The following LRP1B variants were observed in gnomAD, a reference collection of about 807,000 sequenced individuals.
LRP1B encodes LDL receptor related protein 1B.
LRP1B carries 217 observed loss-of-function variants against 556.6 expected under a neutral mutation model. That is an observed-to-expected ratio of 0.39 (90% CI 0.35 to 0.44). LRP1B has a LOEUF of 0.44. Among genes scored for constraint, LRP1B ranks in the 20% least tolerant of loss-of-function variants. The pLI is 1.00. For missense variants in LRP1B, 5,053 were observed against 5,620.8 expected, an observed-to-expected ratio of 0.90 and a Z score of 3.23; for synonymous variants, 2,047 against 1,865.8, an observed-to-expected ratio of 1.10 and a Z score of -2.50.
chr2:141,018,440 G>A (rs1697970830), intron 12 of LRP1B, among the ~76,000 whole-genome samples: 2 of 152,074 alleles, frequency 1.3e-5, no homozygotes, highest in Admixed American at 6.6e-5. Context: ...CCTTCAAAGA[G>A]CTTGAACTAT....
At chr2:140,688,570 G>T in intron 41 of LRP1B, among the ~76,000 whole-genome samples, 1 of 152,196 alleles carries the variant, frequency 6.6e-6, no homozygotes, top group East Asian at 1.9e-4. Flanking sequence ...GATTGCAGAA[G>T]GTACACATTC....
At chr2:140,648,309 G>T (rs918353418) in intron 41 of LRP1B, among the ~76,000 whole-genome samples, 1 of 151,906 alleles carries the variant, frequency 6.6e-6, no homozygotes, top group East Asian at 1.9e-4. Flanking sequence ...GAGTGGGGAG[G>T]GATAGCATTA....
Position 142,055,203 on chromosome 2 carries a change from G to A in LRP1B, c.82+75445C>T, listed in dbSNP as rs147273319. Among the ~76,000 whole-genome samples the A allele has an allele frequency of 3.4e-3, 512 of 152,026 alleles. 3 individuals carry two copies. Among genetic ancestry groups the A allele is most frequent in the African/African-American group, 0.012 (492 of 41,462 alleles). Reference sequence around the variant, plus strand: ...CAGACATATTCATAAATAGCTATACGTAATATGAAAAAAAGGAATAGAGTG... The same window carrying A: ...CAGACATATTCATAAATAGCTATACATAATATGAAAAAAAGGAATAGAGTG... On this transcript the variant is annotated intron_variant, in intron 1 of 90. Coordinates refer to ENST00000389484, the MANE Select transcript of LRP1B (RefSeq NM_018557.3).
intron 7 of LRP1B, among the ~76,000 whole-genome samples, chr2:141,188,058 T>C (rs1161545651): frequency 1.3e-5 from 2 of 152,026 alleles, no homozygotes; most frequent in Non-Finnish European, 2.9e-5. Flanking sequence ...TCAAGTAGCA[T>C]TCTGGAGGTT....
intron 66 of LRP1B, among the ~76,000 whole-genome samples, chr2:140,440,993 C>T (rs961346728): frequency 2.2e-4 from 34 of 152,036 alleles, no homozygotes; most frequent in African/African-American, 7.0e-4. Context: ...GTTACAGAAC[C>T]TCTTTGTGCC....
chr2:141,597,835 C>T (rs916667315), intron 2 of LRP1B, among the ~76,000 whole-genome samples: 7 of 152,056 alleles, frequency 4.6e-5, no homozygotes, highest in Admixed American at 4.6e-4. Flanking sequence ...CAGACATTAA[C>T]AACAGGAATG....
At position 141,940,285 on chromosome 2, in the gene LRP1B, A is replaced by G. The variant is rs182608094; in HGVS notation, c.83-129884T>C. 2.7e-4 allele frequency among the ~76,000 whole-genome samples: 41 copies of G among 152,290 alleles called. No individual in the cohort carries two copies. The East Asian group carries it at 6.6e-3, about 24-fold the overall frequency. ...CTGTGCAATGCCACTGTACAAAGGTATATATGATTAAGAGTTAATATTTTA... is the reference window on the plus strand; with the variant it reads ...CTGTGCAATGCCACTGTACAAAGGTGTATATGATTAAGAGTTAATATTTTA... On this transcript the variant is annotated intron_variant, in intron 1 of 90. Coordinates refer to ENST00000389484, the MANE Select transcript of LRP1B (RefSeq NM_018557.3).
At chr2:140,750,606 A>G (rs1688542698) in intron 35 of LRP1B, among the ~76,000 whole-genome samples, 1 of 152,206 alleles carries the variant, frequency 6.6e-6, no homozygotes, top group Non-Finnish European at 1.5e-5. Context: ...TTCTTCTAAT[A>G]GAGTTATTTG....
At position 140,923,037 on chromosome 2, in the gene LRP1B, T is replaced by A. The variant is rs1348887402; in HGVS notation, c.3247A>T (p.Ser1083Cys). Residue 1083 changes from serine to cysteine, a missense_variant, in exon 21 of 91, where the codon AGT becomes TGT. By Grantham distance (112) the Ser-to-Cys change is moderately radical. This residue lies in a region of LRP1B where 3,619 missense variants were observed against 3,931.9 expected (regional missense o/e 0.92). Coordinates refer to ENST00000389484, the MANE Select transcript of LRP1B (RefSeq NM_018557.3). Reference protein sequence around the residue: ...CDGEKDCEDGSDEKGCNGTIR... With the variant: ...CDGEKDCEDGCDEKGCNGTIR... The stretch of plus-strand genomic sequence containing the variant: ...GTACCATTGCAACCTTTTTCATCAC[T>A]ACCATCTTCACAGTCTTTTTCTCCA... 1 of 1,613,206 alleles carries A rather than the reference T, an allele frequency of 6.2e-7. No homozygotes were observed.
intron 12 of LRP1B, among the ~76,000 whole-genome samples, chr2:141,017,073 T>C (rs1697920116): frequency 6.6e-6 from 1 of 152,106 alleles, no homozygotes; most frequent in African/African-American, 2.4e-5. Context: ...CAAGGAACTA[T>C]ATTGAGACTG....
intron 2 of LRP1B, among the ~76,000 whole-genome samples, chr2:141,693,208 A>G (rs565917851): frequency 6.6e-6 from 1 of 152,142 alleles, no homozygotes; most frequent in Admixed American, 6.6e-5. Flanking sequence ...TTCAGCAATT[A>G]GCATTTTTTT....
chr2:141,943,486 T>C (rs1029911715), intron 1 of LRP1B, among the ~76,000 whole-genome samples: 2 of 152,192 alleles, frequency 1.3e-5, no homozygotes, highest in African/African-American at 4.8e-5. Context: ...ATTCTTTACA[T>C]AGGCACTAAT....
intron 25 of LRP1B, among the ~76,000 whole-genome samples, chr2:140,882,598 AG>A (rs1191978763): frequency 2.6e-5 from 4 of 152,218 alleles, no homozygotes; most frequent in Non-Finnish European, 5.9e-5. Flanking sequence ...CACATAAATG[AG>A]GGTGGCCAAT....
intron 3 of LRP1B, among the ~76,000 whole-genome samples, chr2:141,359,403 A>G (rs1209810134): frequency 6.6e-6 from 1 of 152,190 alleles, no homozygotes; most frequent in Non-Finnish European, 1.5e-5. Context: ...ATATTACATT[A>G]TAAATGCTAT....
At chr2:140,267,459 A>G (rs1283383315) in intron 86 of LRP1B, among the ~76,000 whole-genome samples, 4 of 151,958 alleles carry the variant, frequency 2.6e-5, no homozygotes, top group African/African-American at 9.7e-5. Flanking sequence ...ATATTTTTAA[A>G]TCATCTCCAG....
intron 2 of LRP1B, among the ~76,000 whole-genome samples, chr2:141,519,229 T>C (rs1684437571): frequency 6.6e-6 from 1 of 151,560 alleles, no homozygotes. Context: ...ACTTAACTAA[T>C]AGTTACTGGT....
intron 41 of LRP1B, among the ~76,000 whole-genome samples, chr2:140,650,612 G>T (rs1299961445): frequency 6.6e-6 from 1 of 152,078 alleles, no homozygotes; most frequent in Non-Finnish European, 1.5e-5. Context: ...GCCTCCCAAA[G>T]TGCTGGGATT....
At chr2:140,272,728 G>A (rs79160881) in intron 85 of LRP1B, among the ~76,000 whole-genome samples, 1 of 151,838 alleles carries the variant, frequency 6.6e-6, no homozygotes, top group Admixed American at 6.6e-5. Context: ...AAATAAAAAT[G>A]AACTTTAATC....
intron 9 of LRP1B, 25 bp from the exon 10 acceptor site, chr2:141,055,284 C>G (rs770405091): frequency 6.3e-7 from 1 of 1,592,176 alleles, no homozygotes; most frequent in African/African-American, 1.4e-5. Flanking sequence ...AAACAGCATG[C>G]GTGAAATTCA....
Sources: gnomAD v4.1 joint callset for allele counts (sites outside exome capture counted in the v4.1 genomes callset) on GRCh38, gnomAD v4.1.1 for gene constraint, gnomAD v4.1.1 regional missense constraint, MANE v1.5 for transcripts, NCBI Gene and HGNC (gene_info 2026-07-23, HGNC 2026-07-21) for gene names.